Variants in FLVCR1 observed in about 807,000 individuals in gnomAD.
FLVCR1 encodes the protein FLVCR choline and heme transporter 1.
In FLVCR1, 34 loss-of-function variants were observed where a neutral mutation model predicts 53.6. The observed-to-expected ratio is 0.63, with a 90% CI of 0.48 to 0.84. The LOEUF is 0.84. FLVCR1 is among the 40% of genes least tolerant of loss of function. The pLI is 0.00. For synonymous variants in FLVCR1, 300 were observed against 286.3 expected (o/e 1.05, Z -0.48); for missense variants, 677 against 696.7 (o/e 0.97, Z 0.32).
chr1:212,861,045 G>A (rs537363888), intron 1 of FLVCR1, among the ~76,000 whole-genome samples: 30 of 152,014 alleles, frequency 2.0e-4, no homozygotes, highest in Non-Finnish European at 4.3e-4. Flanking sequence ...AATCTGTTCC[G>A]GGCACATCCT....
At chr1:212,876,578 C>T (rs913154944) in intron 3 of FLVCR1, among the ~76,000 whole-genome samples, 20 of 151,898 alleles carry the variant, frequency 1.3e-4, no homozygotes, top group Admixed American at 5.2e-4. Context: ...GTTGGCTAGG[C>T]TGGTCTCGAA....
At chr1:212,859,375 C>G (rs1371428350) in intron 1 of FLVCR1, among the ~76,000 whole-genome samples, 185 bp downstream of exon 1, 2 of 152,120 alleles carry the variant, frequency 1.3e-5, no homozygotes, top group Non-Finnish European at 2.9e-5. Context: ...TTTGTAAGGA[C>G]AAAATTTTCC....
intron 2 of FLVCR1, among the ~76,000 whole-genome samples, chr1:212,869,060 GA>G (rs1664526187): frequency 6.6e-6 from 1 of 152,218 alleles, no homozygotes; most frequent in Middle Eastern, 3.4e-3. Context: ...GACAAATAAC[GA>G]AATTTTAAAA....
At chr1:212,885,570 AGACG>A (rs1665040892) in intron 5 of FLVCR1, 174 bp downstream of exon 5, 1 of 240,634 alleles carries the variant, frequency 4.2e-6, no homozygotes. Flanking sequence ...TTTTTTTTTG[AGACG>A]GAGTCTCGTT....
At chr1:212,880,287 A>G (rs1331365617) in intron 3 of FLVCR1, among the ~76,000 whole-genome samples, 2 of 152,220 alleles carry the variant, frequency 1.3e-5, no homozygotes, top group East Asian at 3.8e-4. Context: ...GTAATGGAAC[A>G]AACCAACTGT....
chr1:212,859,401 C>T (rs1259278843), intron 1 of FLVCR1, among the ~76,000 whole-genome samples: 1 of 152,152 alleles, frequency 6.6e-6, no homozygotes, highest in Non-Finnish European at 1.5e-5. Context: ...ACCTTGTCAT[C>T]TTGCTTTGAA....
chr1:212,886,619 G>T (rs978224488), intron 5 of FLVCR1, among the ~76,000 whole-genome samples: 8 of 152,006 alleles, frequency 5.3e-5, no homozygotes, highest in African/African-American at 1.9e-4. Flanking sequence ...GGGCAACATG[G>T]TGAAACGCCA....
intron 3 of FLVCR1, among the ~76,000 whole-genome samples, chr1:212,878,832 T>C (rs181946871): frequency 1.3e-5 from 2 of 151,646 alleles, no homozygotes; most frequent in Non-Finnish European, 2.9e-5. Context: ...CTACAAAAAA[T>C]ACAAAAATTA....
At chr1:212,860,380 G>GTTTTTTTT (rs1470196686) in intron 1 of FLVCR1, among the ~76,000 whole-genome samples, 1 of 54,912 alleles carries the variant, frequency 1.8e-5, no homozygotes, top group East Asian at 7.1e-4. Context: ...TAGAAATGGG[G>GTTTTTTTT]TTTCTCCATG....
chr1:212,875,167 G>T (rs1163760580), intron 3 of FLVCR1, among the ~76,000 whole-genome samples: 1 of 152,154 alleles, frequency 6.6e-6, no homozygotes, highest in Non-Finnish European at 1.5e-5. Flanking sequence ...TAGATGCCTT[G>T]TGGCTAGAAA....
chr1:212,862,740 A>T (rs1045654132), intron 1 of FLVCR1, among the ~76,000 whole-genome samples: 2 of 152,150 alleles, frequency 1.3e-5, no homozygotes, highest in African/African-American at 2.4e-5. Context: ...TCTATGTTAA[A>T]CTTATTAAGG....
At position 212,895,387 on chromosome 1, in the gene FLVCR1, G is replaced by C; in HGVS notation, c.*97G>C. The C allele has an allele frequency of 4.8e-6, 4 of 832,744 alleles. No homozygotes were observed. The highest frequency in any genetic ancestry group is 8.4e-6 in the Non-Finnish European group (4 of 477,316). The allele number at this position is 832,744 out of a possible 1,614,324, so 51.6% of individuals were successfully genotyped here. The stretch of plus-strand genomic sequence containing the variant: ...CCAAGGCTGGGTTTGTATGTGGTGG[G>C]GGAATAAACACACTTACTTGAAAAT... On this transcript the variant is annotated 3_prime_UTR_variant, in exon 10 of 10. Transcript: ENST00000366971.
chr1:212,859,253 T>C (rs1664145175), intron 1 of FLVCR1, 63 bp downstream of exon 1: 2 of 1,609,974 alleles, frequency 1.2e-6, no homozygotes, highest in Non-Finnish European at 1.7e-6. Context: ...TCATAGGCCG[T>C]GAGAACTATG....
intron 2 of FLVCR1, among the ~76,000 whole-genome samples, chr1:212,867,603 C>T (rs1373295255): frequency 6.6e-6 from 1 of 152,062 alleles, no homozygotes; most frequent in Non-Finnish European, 1.5e-5. Flanking sequence ...CAGATTCTTG[C>T]ATAAGTGGTA....
chr1:212,882,442 G>A (rs910666444), intron 3 of FLVCR1, among the ~76,000 whole-genome samples: 4 of 152,044 alleles, frequency 2.6e-5, no homozygotes, highest in African/African-American at 9.7e-5. Context: ...TTATGAATAT[G>A]CATATATGGT....
chr1:212,889,635 G>A (rs1210859739), intron 8 of FLVCR1, among the ~76,000 whole-genome samples: 1 of 151,716 alleles, frequency 6.6e-6, no homozygotes, highest in Non-Finnish European at 1.5e-5. Context: ...GCGCACACGT[G>A]TAGCCCCAGC....
chr1:212,883,490 G>A (rs762035273), intron 4 of FLVCR1, 52 bp downstream of exon 4: 16 of 995,702 alleles, frequency 1.6e-5, no homozygotes, highest in Non-Finnish European at 2.5e-5. Flanking sequence ...TTTTTCTTTA[G>A]CAATATAATT....
intron 1 of FLVCR1, among the ~76,000 whole-genome samples, chr1:212,860,536 A>G (rs2102530887): frequency 6.6e-6 from 1 of 151,886 alleles, no homozygotes; most frequent in Admixed American, 6.6e-5. Context: ...ATTCATTTTT[A>G]AATATTCAGT....
chr1:212,868,031 C>T (rs1664491171), intron 2 of FLVCR1, among the ~76,000 whole-genome samples: 2 of 152,104 alleles, frequency 1.3e-5, no homozygotes, highest in Non-Finnish European at 2.9e-5. Context: ...TCTCGATCTC[C>T]TGACCTCATG....
Sources: allele counts gnomAD v4.1 joint callset (sites outside exome capture counted in the v4.1 genomes callset), GRCh38; gene constraint gnomAD v4.1.1; transcripts MANE v1.5; gene names NCBI Gene and HGNC (gene_info 2026-07-23, HGNC 2026-07-21).